Variants in LUZP2 observed in about 807,000 individuals in gnomAD.
LUZP2 encodes the protein leucine zipper protein 2.
A neutral mutation model predicts 51.6 loss-of-function variants in LUZP2; 52 were observed. The observed-to-expected ratio is 1.01, with a 90% CI of 0.81 to 1.27. The LOEUF (loss-of-function observed/expected upper bound fraction) is 1.27, where lower values mean the gene tolerates loss of function less well. Among genes scored for constraint, LUZP2 ranks in the 50% most tolerant of loss-of-function variants. The pLI is 0.00. For synonymous variants in LUZP2, 154 were observed against 137.3 expected (o/e 1.12, Z -0.85); for missense variants, 436 against 395.4 (o/e 1.10, Z -0.87).
At chr11:24,879,565 G>A in intron 5 of LUZP2, among the ~76,000 whole-genome samples, 1 of 152,026 alleles carries the variant, frequency 6.6e-6, no homozygotes, top group Non-Finnish European at 1.5e-5. Flanking sequence ...TTTCTCCACA[G>A]CCTCACCAGC....
chr11:24,640,886 T>C (rs1169171884), intron 1 of LUZP2, among the ~76,000 whole-genome samples: 1 of 151,682 alleles, frequency 6.6e-6, no homozygotes, highest in East Asian at 1.9e-4. Flanking sequence ...GAAAGTGTAC[T>C]GCTTGTCCTA....
At chr11:25,058,011 A>G (rs938535909) in intron 10 of LUZP2, among the ~76,000 whole-genome samples, 9 of 151,668 alleles carry the variant, frequency 5.9e-5, no homozygotes, top group Non-Finnish European at 1.3e-4. Context: ...GGTAGATCCA[A>G]TGCTTGGTTA....
intron 9 of LUZP2, among the ~76,000 whole-genome samples, chr11:25,005,970 G>C (rs1856823808): frequency 6.6e-6 from 1 of 152,130 alleles, no homozygotes; most frequent in African/African-American, 2.4e-5. Flanking sequence ...CCCTGAGTGA[G>C]GGGAGGGATC....
chr11:24,742,330 T>A (rs1268004715), intron 4 of LUZP2, among the ~76,000 whole-genome samples: 1 of 151,810 alleles, frequency 6.6e-6, no homozygotes, highest in East Asian at 1.9e-4. Flanking sequence ...AGTGCGAAAG[T>A]GTTCCCTGAT....
At chr11:25,037,222 TTGTTAATTA>T (rs1857894447) in intron 9 of LUZP2, among the ~76,000 whole-genome samples, 1 of 152,148 alleles carries the variant, frequency 6.6e-6, no homozygotes, top group Admixed American at 6.6e-5. Flanking sequence ...TTAATTGTCC[TTGTTAATTA>T]TTAATTGGTT....
intron 1 of LUZP2, among the ~76,000 whole-genome samples, chr11:24,523,139 C>A (rs902723630): frequency 1.3e-5 from 2 of 151,986 alleles, no homozygotes; most frequent in African/African-American, 4.8e-5. Flanking sequence ...AGTGAGAATT[C>A]TTCTGGAATG....
chr11:24,586,155 C>G (rs570996463), intron 1 of LUZP2, among the ~76,000 whole-genome samples: 1 of 152,180 alleles, frequency 6.6e-6, no homozygotes, highest in South Asian at 2.1e-4. Context: ...AAGCAGTTCT[C>G]TGTACTTTAA....
chr11:24,774,504 G>A (rs1848856379), intron 5 of LUZP2, among the ~76,000 whole-genome samples: 1 of 95,204 alleles, frequency 1.1e-5, no homozygotes, highest in Non-Finnish European at 1.9e-5. Flanking sequence ...AATATATATA[G>A]AATATATTCT....
At chr11:25,055,154 G>A (rs966626400) in intron 10 of LUZP2, among the ~76,000 whole-genome samples, 1 of 147,962 alleles carries the variant, frequency 6.8e-6, no homozygotes, top group East Asian at 1.9e-4. Flanking sequence ...GGGACTACAG[G>A]TGCCTGCCAC....
chr11:24,923,015 AT>A (rs1298639893), intron 7 of LUZP2, among the ~76,000 whole-genome samples: 2 of 151,168 alleles, frequency 1.3e-5, no homozygotes, highest in African/African-American at 4.8e-5. Flanking sequence ...CGCCTAGCTA[AT>A]TTTTTGTATT....
chr11:24,725,283 T>A (rs903407042), intron 1 of LUZP2, among the ~76,000 whole-genome samples: 50 of 151,870 alleles, frequency 3.3e-4, no homozygotes, highest in African/African-American at 1.1e-3. Context: ...TTAAAAACAT[T>A]TAGAAAAAAA....
chr11:24,769,531 C>G (rs950542777), intron 5 of LUZP2, among the ~76,000 whole-genome samples: 1 of 151,172 alleles, frequency 6.6e-6, no homozygotes, highest in Non-Finnish European at 1.5e-5. Context: ...CGATTAAAAC[C>G]TAATAAAACA....
intron 5 of LUZP2, among the ~76,000 whole-genome samples, chr11:24,899,087 T>C (rs536676199): frequency 6.6e-6 from 1 of 152,296 alleles, no homozygotes; most frequent in South Asian, 2.1e-4. Flanking sequence ...TATCAAATTT[T>C]CATACGTTGG....
intron 9 of LUZP2, among the ~76,000 whole-genome samples, chr11:25,006,131 T>A (rs1406903929): frequency 6.6e-6 from 1 of 152,138 alleles, no homozygotes; most frequent in South Asian, 2.1e-4. Context: ...GCAAAAATTA[T>A]GTCTTTCTGA....
chr11:24,562,019 G>A (rs1852056944), intron 1 of LUZP2, among the ~76,000 whole-genome samples: 1 of 151,986 alleles, frequency 6.6e-6, no homozygotes, highest in African/African-American at 2.4e-5. Context: ...TGGCTGGAAA[G>A]CAATGTAAGT....
intron 10 of LUZP2, among the ~76,000 whole-genome samples, chr11:25,062,610 A>G (rs918380574): frequency 4.7e-5 from 7 of 149,200 alleles, no homozygotes; most frequent in East Asian, 2.0e-4. Flanking sequence ...AAAAAAAAAA[A>G]AAAGAAAGGA....
chr11:24,562,810 C>T (rs928022910), intron 1 of LUZP2, among the ~76,000 whole-genome samples: 4 of 149,750 alleles, frequency 2.7e-5, no homozygotes, highest in African/African-American at 7.4e-5. Flanking sequence ...TACAGTGAGC[C>T]GAGATCACGC....
At chr11:24,538,786 A>G (rs1474552547) in intron 1 of LUZP2, among the ~76,000 whole-genome samples, 1 of 151,834 alleles carries the variant, frequency 6.6e-6, no homozygotes, top group Admixed American at 6.6e-5. Flanking sequence ...CTTTCAGCAA[A>G]TGAAAAGAAA....
At chr11:24,868,641 A>C (rs1851964380) in intron 5 of LUZP2, among the ~76,000 whole-genome samples, 1 of 152,162 alleles carries the variant, frequency 6.6e-6, no homozygotes, top group Non-Finnish European at 1.5e-5. Flanking sequence ...AATAATCTAT[A>C]GTGGAATACT....
Sources: gnomAD v4.1 joint callset for allele counts (sites outside exome capture counted in the v4.1 genomes callset) on GRCh38, gnomAD v4.1.1 for gene constraint, MANE v1.5 for transcripts, NCBI Gene and HGNC (gene_info 2026-07-23, HGNC 2026-07-21) for gene names.